The following GUCY1A2 variants were observed in gnomAD, a reference collection of about 807,000 sequenced individuals.
GUCY1A2 encodes the protein guanylate cyclase soluble subunit alpha-2.
Under a neutral mutation model 63.5 loss-of-function variants are expected in GUCY1A2, and 27 were observed. That is an observed-to-expected ratio of 0.43 (90% confidence interval 0.31 to 0.59). The LOEUF (loss-of-function observed/expected upper bound fraction) is 0.59, where lower values mean the gene tolerates loss of function less well. Ranked by LOEUF, GUCY1A2 falls within the 20% of genes least tolerant of loss-of-function variation. The pLI is 0.11. For synonymous variants in GUCY1A2, 364 were observed against 343.5 expected (o/e 1.06, Z -0.66); for missense variants, 768 against 913.3 (o/e 0.84, Z 2.05).
chr11:106,948,307 G>A (rs1246447846), intron 3 of GUCY1A2, among the ~76,000 whole-genome samples: 1 of 152,112 alleles, frequency 6.6e-6, no homozygotes, highest in Non-Finnish European at 1.5e-5. Flanking sequence ...GTAGCAGATA[G>A]AATCTAGCGA....
At chr11:106,825,811 T>TTGTGTTGGGCTGCATTCAAAGC (rs1858961668) in intron 4 of GUCY1A2, among the ~76,000 whole-genome samples, 2 of 152,164 alleles carry the variant, frequency 1.3e-5, no homozygotes, top group Non-Finnish European at 2.9e-5. Context: ...GTTTACAAAT[T>TTGTGTTGGGCTGCATTCAAAGC]TGTGTTGGGC....
chr11:107,011,621 GTATATAA>G (rs1591363571), intron 1 of GUCY1A2, among the ~76,000 whole-genome samples: 2 of 145,136 alleles, frequency 1.4e-5, no homozygotes, highest in South Asian at 2.1e-4. Flanking sequence ...ATAAAAAGGA[GTATATAA>G]TATATAATAC....
chr11:106,720,929 G>A (rs991513492), intron 6 of GUCY1A2, among the ~76,000 whole-genome samples: 1 of 152,172 alleles, frequency 6.6e-6, no homozygotes, highest in African/African-American at 2.4e-5. Flanking sequence ...GGGTGAAACT[G>A]GGTGTGGGAT....
rs1862322253 is a variant in GUCY1A2, at chr11:106,675,034, G to C, written c.*12515C>G. 9.4e-6 allele frequency: 2 copies of C among 211,746 alleles called. No individual in the cohort carries two copies. Among genetic ancestry groups the C allele is most frequent in the Admixed American group, 1.2e-4 (2 of 17,016 alleles). The allele number at this position is 211,746 out of a possible 1,614,324, so 13.1% of individuals were successfully genotyped here. ...TATTACTATTAGGATGATATTTAAA[G>C]TACTGTTTGGGAAATGAGACCCTTT... On this transcript the variant is annotated 3_prime_UTR_variant, in exon 8 of 8. Transcript: ENST00000526355.
intron 4 of GUCY1A2, among the ~76,000 whole-genome samples, chr11:106,889,394 A>T (rs1407842788): frequency 6.6e-6 from 1 of 152,166 alleles, no homozygotes; most frequent in Admixed American, 6.5e-5. Flanking sequence ...AGTCTCATAA[A>T]CTTCTGAAGA....
At chr11:106,988,676 T>C (rs1861433349) in intron 1 of GUCY1A2, among the ~76,000 whole-genome samples, 1 of 152,248 alleles carries the variant, frequency 6.6e-6, no homozygotes, top group Admixed American at 6.5e-5. Context: ...AAAGCATTTA[T>C]GCACTTCCTA....
intron 6 of GUCY1A2, among the ~76,000 whole-genome samples, chr11:106,720,577 A>G (rs2135362813): frequency 6.6e-6 from 1 of 152,342 alleles, no homozygotes; most frequent in Middle Eastern, 3.4e-3. Flanking sequence ...GTATGTTTAT[A>G]CAAACCCCTA....
intron 3 of GUCY1A2, among the ~76,000 whole-genome samples, chr11:106,944,680 A>G (rs1860802224): frequency 6.6e-6 from 1 of 152,224 alleles, no homozygotes; most frequent in Non-Finnish European, 1.5e-5. Flanking sequence ...GTTTTAAAAC[A>G]TACATCAGAA....
chr11:106,983,664 C>A (rs574920311), intron 2 of GUCY1A2, among the ~76,000 whole-genome samples: 4 of 152,332 alleles, frequency 2.6e-5, no homozygotes, highest in African/African-American at 9.6e-5. Context: ...CTAGCTCATA[C>A]TCTGTTACCT....
At chr11:106,776,958 A>AT (rs989708714) in intron 5 of GUCY1A2, among the ~76,000 whole-genome samples, 3 of 152,130 alleles carry the variant, frequency 2.0e-5, no homozygotes, top group South Asian at 2.1e-4. Flanking sequence ...TTTGGAAAGC[A>AT]TTTTTTTCCC....
At chr11:106,935,594 A>G (rs1310304539) in intron 4 of GUCY1A2, among the ~76,000 whole-genome samples, 1 of 152,080 alleles carries the variant, frequency 6.6e-6, no homozygotes, top group Non-Finnish European at 1.5e-5. Context: ...GATCCCAGCA[A>G]TTTGATAGGC....
At chr11:106,688,290 G>C (rs1862563945) in intron 7 of GUCY1A2, among the ~76,000 whole-genome samples, 1 of 152,116 alleles carries the variant, frequency 6.6e-6, no homozygotes, top group African/African-American at 2.4e-5. Flanking sequence ...TCTGCTTGCT[G>C]ATTTCTAGCC....
chr11:106,692,522 C>T (rs1483811489), intron 7 of GUCY1A2, among the ~76,000 whole-genome samples: 1 of 152,100 alleles, frequency 6.6e-6, no homozygotes, highest in African/African-American at 2.4e-5. Context: ...TTTTTATGCT[C>T]ATTTCCTCCA....
At chr11:106,745,274 G>A (rs915123144) in intron 6 of GUCY1A2, among the ~76,000 whole-genome samples, 1 of 152,068 alleles carries the variant, frequency 6.6e-6, no homozygotes, top group Non-Finnish European at 1.5e-5. Flanking sequence ...CAGTGTTCTA[G>A]GGTAATGTGT....
intron 3 of GUCY1A2, among the ~76,000 whole-genome samples, chr11:106,965,015 G>A (rs1421059112): frequency 6.6e-6 from 1 of 151,758 alleles, no homozygotes; most frequent in Non-Finnish European, 1.5e-5. Context: ...AATTCAGGGA[G>A]TTGGCCAAAA....
At chr11:106,828,494 T>C (rs1384853600) in intron 4 of GUCY1A2, among the ~76,000 whole-genome samples, 1 of 152,208 alleles carries the variant, frequency 6.6e-6, no homozygotes, top group South Asian at 2.1e-4. Flanking sequence ...CTTTGTCAAA[T>C]ATCAGTTGAT....
intron 6 of GUCY1A2, among the ~76,000 whole-genome samples, chr11:106,738,584 G>A (rs1591255881): frequency 6.6e-6 from 1 of 152,270 alleles, no homozygotes; most frequent in East Asian, 1.9e-4. Flanking sequence ...TGTAAGGAAG[G>A]GGTCCAGTTT....
At chr11:106,801,361 G>C (rs1465497395) in intron 5 of GUCY1A2, among the ~76,000 whole-genome samples, 1 of 151,998 alleles carries the variant, frequency 6.6e-6, no homozygotes, top group Non-Finnish European at 1.5e-5. Context: ...ATGAACTCTG[G>C]TAATTTGTCA....
At chr11:106,869,768 A>T (rs1859647915) in intron 4 of GUCY1A2, among the ~76,000 whole-genome samples, 2 of 152,338 alleles carry the variant, frequency 1.3e-5, no homozygotes, top group South Asian at 4.1e-4. Flanking sequence ...ATATACCCAA[A>T]GGAATATAAA....
Sources: gnomAD v4.1 joint callset for allele counts (sites outside exome capture counted in the v4.1 genomes callset) on GRCh38, gnomAD v4.1.1 for gene constraint, MANE v1.5 for transcripts, NCBI Gene and HGNC (gene_info 2026-07-23, HGNC 2026-07-21) for gene names.